FAF2: variants seen among roughly 807,000 people sequenced by gnomAD.
FAF2 encodes the protein FAS-associated factor 2.
A neutral mutation model predicts 62.3 loss-of-function variants in FAF2; 9 were observed. The ratio of observed to expected loss-of-function variants is 0.14; its 90% CI spans 0.09 to 0.25. The LOEUF is 0.25. FAF2 is among the 10% of genes least tolerant of loss of function. The pLI is 1.00. For synonymous variants in FAF2, 202 were observed against 198.0 expected, an observed-to-expected ratio of 1.02 and a Z score of -0.17; for missense variants, 368 against 556.2, an observed-to-expected ratio of 0.66 and a Z score of 3.40.
In FAF2 at chr5:176,501,305, G is replaced by A. The variant is rs143345780; in HGVS notation, c.1155+1159G>A. On this transcript the variant is annotated intron_variant, in intron 10 of 10. Transcript: ENST00000261942. The stretch of plus-strand genomic sequence containing the variant: ...AGTATGTTGCCTTTGCAAATTTATA[G>A]CTATAGTGGATTCTGCAGTTTCCCT... 2.4e-4 allele frequency among the ~76,000 whole-genome samples: 36 copies of A among 152,282 alleles called. No individual in the cohort carries two copies. In the East Asian group the frequency reaches 5.6e-3, roughly 24 times the overall value.
At chr5:176,502,320 C>T (rs1755606750) in intron 10 of FAF2, among the ~76,000 whole-genome samples, 1 of 152,106 alleles carries the variant, frequency 6.6e-6, no homozygotes, top group Admixed American at 6.6e-5. Context: ...GTGGCTCACG[C>T]CTATAATCCC....
At chr5:176,493,892 TTTCCTTTTG>T in intron 5 of FAF2, 98 bp from the exon 6 acceptor site, 1 of 746,322 alleles carries the variant, frequency 1.3e-6, no homozygotes, top group Non-Finnish European at 2.2e-6. Flanking sequence ...TTTCCTTATT[TTTCCTTTTG>T]TTCCTAAATA....
chr5:176,461,496 T>TA (rs1410491853), intron 1 of FAF2, among the ~76,000 whole-genome samples: 1 of 151,398 alleles, frequency 6.6e-6, no homozygotes, highest in African/African-American at 2.4e-5. Context: ...TTTTTTTATT[T>TA]TATTTTTTTT....
chr5:176,448,420 G>C lies in FAF2; in HGVS notation c.13G>C (p.Glu5Gln), dbSNP rs184408647. ...AGGCGGCGGCAAAATGGCGGCGCCT[G>C]AGGAGCGGGATCTAACCCAGGAGCA... MAAPEERDLTQEQTE... is the reference protein window; with the variant it reads MAAPQERDLTQEQTE... The change falls in exon 1 of 11, where the codon GAG (glutamate) becomes CAG (glutamine). Residue 5 changes from glutamate to glutamine, a missense_variant. Coordinates refer to ENST00000261942, the MANE Select transcript of FAF2 (RefSeq NM_014613.3). 1.2e-6 allele frequency: 2 copies of C among 1,606,986 alleles called. No homozygotes were observed. Among genetic ancestry groups the C allele is most frequent in the African/African-American group, 2.7e-5 (2 of 74,984 alleles).
Position 176,477,328 on chromosome 5 carries a change from C to T in FAF2, c.64-1860C>T, listed in dbSNP as rs1451030418. Among the ~76,000 whole-genome samples the T allele has an allele frequency of 3.3e-5, 5 of 150,344 alleles. No homozygotes were observed. The Admixed American group carries it at 3.3e-4, about 10-fold the overall frequency. On this transcript the variant is annotated intron_variant, in intron 1 of 10. Coordinates refer to ENST00000261942, the MANE Select transcript of FAF2 (RefSeq NM_014613.3). ...TCTCTAACTCCTGACCTCATGTGAT[C>T]CGCCCACCTCAGCCTCCCAAAGTGC...
At chr5:176,469,244 CTAAAAA>C (rs1218124225) in intron 1 of FAF2, among the ~76,000 whole-genome samples, 6 of 152,016 alleles carry the variant, frequency 3.9e-5, no homozygotes, top group Non-Finnish European at 8.8e-5. Flanking sequence ...GACTCCATCT[CTAAAAA>C]TAAAAATAAA....
chr5:176,498,889 T>C, intron 8 of FAF2, 25 bp from the exon 9 acceptor site: 1 of 1,519,074 alleles, frequency 6.6e-7, no homozygotes, highest in Non-Finnish European at 8.9e-7. Flanking sequence ...CTGTTTTTCT[T>C]CTCTTGCTTT....
intron 1 of FAF2, among the ~76,000 whole-genome samples, chr5:176,458,484 A>G (rs1758319090): frequency 8.3e-6 from 1 of 119,794 alleles, no homozygotes; most frequent in Admixed American, 1.3e-4. Flanking sequence ...ATCTCGGCTC[A>G]CTGCAACCTC....
At chr5:176,475,829 A>G (rs2113730149) in intron 1 of FAF2, among the ~76,000 whole-genome samples, 1 of 152,278 alleles carries the variant, frequency 6.6e-6, no homozygotes, top group Admixed American at 6.5e-5. Flanking sequence ...TGTACATTAG[A>G]ATCAGCTGAG....
chr5:176,495,693 G>A (rs1455996555), intron 7 of FAF2, among the ~76,000 whole-genome samples: 3 of 151,816 alleles, frequency 2.0e-5, no homozygotes, highest in Non-Finnish European at 2.9e-5. Flanking sequence ...TGTATTTTTT[G>A]TAGAGATGGG....
At chr5:176,475,189 C>T (rs1461265079) in intron 1 of FAF2, among the ~76,000 whole-genome samples, 1 of 152,146 alleles carries the variant, frequency 6.6e-6, no homozygotes, top group African/African-American at 2.4e-5. Flanking sequence ...AGTTGGAGTG[C>T]AGTGGCGCAG....
At chr5:176,471,144 AT>A (rs911179947) in intron 1 of FAF2, among the ~76,000 whole-genome samples, 2 of 151,910 alleles carry the variant, frequency 1.3e-5, no homozygotes, top group Non-Finnish European at 2.9e-5. Context: ...AAATATGTCC[AT>A]TTTCTGTTTC....
At chr5:176,502,167 A>G (rs1383303501) in intron 10 of FAF2, among the ~76,000 whole-genome samples, 3 of 152,186 alleles carry the variant, frequency 2.0e-5, no homozygotes, top group Non-Finnish European at 2.9e-5. Context: ...CTGGTGTCCC[A>G]TTTCTTAACT....
At chr5:176,481,368 CAG>C (rs1678646760) in intron 2 of FAF2, among the ~76,000 whole-genome samples, 1 of 152,008 alleles carries the variant, frequency 6.6e-6, no homozygotes, top group African/African-American at 2.4e-5. Context: ...TTCTAAGAGA[CAG>C]GGTTGGGCCG....
At chr5:176,480,924 T>C (rs1758775225) in intron 2 of FAF2, among the ~76,000 whole-genome samples, 2 of 152,100 alleles carry the variant, frequency 1.3e-5, no homozygotes. Flanking sequence ...AACCTGCACA[T>C]TCCGTACATG....
intron 7 of FAF2, among the ~76,000 whole-genome samples, chr5:176,495,461 A>C (rs1266742818): frequency 6.6e-6 from 1 of 152,008 alleles, no homozygotes; most frequent in Non-Finnish European, 1.5e-5. Context: ...CATAAGGAAA[A>C]CATAGGTAAA....
intron 1 of FAF2, among the ~76,000 whole-genome samples, chr5:176,467,355 A>G (rs1435912961): frequency 6.6e-6 from 1 of 151,108 alleles, no homozygotes; most frequent in Non-Finnish European, 1.5e-5. Flanking sequence ...TTTTTGAGTC[A>G]GTGTCGCCCT....
intron 9 of FAF2, 42 bp downstream of exon 9, chr5:176,499,127 C>T: frequency 6.6e-7 from 1 of 1,507,364 alleles, no homozygotes; most frequent in Non-Finnish European, 8.9e-7. Context: ...TCCCAAACTG[C>T]CGAGACTTTG....
chr5:176,466,444 G>A (rs1371515020), intron 1 of FAF2, among the ~76,000 whole-genome samples: 1 of 152,186 alleles, frequency 6.6e-6, no homozygotes, highest in Non-Finnish European at 1.5e-5. Context: ...TCTCAGCTGA[G>A]ATTTCACACC....
Sources: gnomAD v4.1 joint callset for allele counts (sites outside exome capture counted in the v4.1 genomes callset) on GRCh38, gnomAD v4.1.1 for gene constraint, MANE v1.5 for transcripts, NCBI Gene and HGNC (gene_info 2026-07-23, HGNC 2026-07-21) for gene names.